The following FER1L5 variants were observed in gnomAD, a reference collection of about 807,000 sequenced individuals.
FER1L5 encodes fer-1-like protein 5.
FER1L5 carries 187 observed loss-of-function variants against 279.9 expected under a neutral mutation model. That is an observed-to-expected ratio of 0.67 (90% confidence interval 0.59 to 0.75). The LOEUF (loss-of-function observed/expected upper bound fraction) is 0.75. FER1L5 is among the 30% of genes least tolerant of loss of function. FER1L5 has a pLI of 0.00. For synonymous variants in FER1L5, 921 were observed against 989.7 expected, an observed-to-expected ratio of 0.93 and a Z score of 1.30; for missense variants, 2,091 against 2,594.4, an observed-to-expected ratio of 0.81 and a Z score of 4.21.
At chr2:96,703,450 C>CG in intron 50 of FER1L5, 73 bp from the exon 51 acceptor site, 1 of 1,606,974 alleles carries the variant, frequency 6.2e-7, no homozygotes, top group Non-Finnish European at 8.5e-7. Context: ...TTCTTGATCC[C>CG]GGGAAGAGGT....
At chr2:96,652,210 G>A in intron 7 of FER1L5, 190 bp downstream of exon 7, 2 of 708,612 alleles carry the variant, frequency 2.8e-6, no homozygotes, top group Non-Finnish European at 4.5e-6. Context: ...TATCTGAGGA[G>A]CTGGTGGGCT....
chr2:96,651,841 C>T, intron 6 of FER1L5, 51 bp from the exon 7 acceptor site: 1 of 1,550,788 alleles, frequency 6.4e-7, no homozygotes, highest in East Asian at 2.4e-5. Flanking sequence ...ACAATGTTGT[C>T]CCAGCTACAG....
At chr2:96,683,253 G>C (rs1210217663) in intron 19 of FER1L5, among the ~76,000 whole-genome samples, 1 of 152,146 alleles carries the variant, frequency 6.6e-6, no homozygotes, top group Non-Finnish European at 1.5e-5. Flanking sequence ...TCAAAGTCAG[G>C]GTGTCAGTGT....
chr2:96,698,964 T>TCCACCCTCCTC lies in FER1L5; in HGVS notation c.4519-71_4519-61dup. ...CTCCGTGTGGTGCGAGGGGCTTGTTTCCACCCTCCTCCCACCCTCCCTGAC... is the reference window on the plus strand; with the variant it reads ...CTCCGTGTGGTGCGAGGGGCTTGTTTCCACCCTCCTCCCACCCTCCTCCCACCCTCCCTGAC... On this transcript the variant is annotated intron_variant, in intron 41 of 52. Coordinates refer to ENST00000624922, the MANE Select transcript of FER1L5 (RefSeq NM_001293083.2). This position sits in a 1 kb window ranked among gnomAD's most constrained non-coding sequence, Gnocchi z 5.5. The TCCACCCTCCTC allele has an allele frequency of 6.5e-7, 1 of 1,534,076 alleles. No individual in the cohort carries two copies. The highest frequency in any genetic ancestry group is 1.2e-5 in the South Asian group (1 of 83,808).
intron 14 of FER1L5, among the ~76,000 whole-genome samples, chr2:96,666,495 T>A (rs2076132532): frequency 6.6e-6 from 1 of 151,620 alleles, no homozygotes; most frequent in African/African-American, 2.4e-5. Flanking sequence ...GAGAATGGGA[T>A]GAAGAAAATG....
intron 3 of FER1L5, 40 bp from the exon 4 acceptor site, chr2:96,647,738 C>T: frequency 6.9e-7 from 1 of 1,443,812 alleles, no homozygotes; most frequent in Non-Finnish European, 9.5e-7. Flanking sequence ...ACACTCTTTC[C>T]CCTGGCTCAG....
At chr2:96,699,221 G>C (rs1472259562) in intron 42 of FER1L5, 85 bp downstream of exon 42, 2 of 1,386,040 alleles carry the variant, frequency 1.4e-6, no homozygotes, top group African/African-American at 1.4e-5. Flanking sequence ...CAGAACTCTG[G>C]CACTCCTGTC....
At position 96,662,268 on chromosome 2, in the gene FER1L5, G is replaced by GT; in HGVS notation, c.1071+2dup. On this transcript the variant is annotated splice_donor_variant, in intron 13 of 52. Transcript: ENST00000624922. LOFTEE classifies it high-confidence loss of function. ...GGAGGTGGAACTAATTGGGGAAAAG[G>GT]TAAGTGTAGAAATATTCTGAGACCC... 1 of 1,551,486 alleles carries GT rather than the reference G, an allele frequency of 6.4e-7. No individual in the cohort carries two copies. Among genetic ancestry groups the GT allele is most frequent in the South Asian group, 1.2e-5 (1 of 84,044 alleles).
chr2:96,663,385 C>A, intron 13 of FER1L5, 54 bp from the exon 14 acceptor site: 1 of 1,496,940 alleles, frequency 6.7e-7, no homozygotes, highest in South Asian at 1.2e-5. Context: ...AAGGTGAGGT[C>A]AGTGGAGGGA....
At chr2:96,657,727 T>C (rs901731435) in intron 9 of FER1L5, among the ~76,000 whole-genome samples, 2 of 152,244 alleles carry the variant, frequency 1.3e-5, no homozygotes, top group Non-Finnish European at 2.9e-5. Context: ...TGTGTCTGCT[T>C]TCTTTCCCTC....
chr2:96,695,946 G>C, intron 36 of FER1L5, 42 bp downstream of exon 36: 2 of 1,608,856 alleles, frequency 1.2e-6, no homozygotes, highest in African/African-American at 1.3e-5. Context: ...CCTCACAAGC[G>C]AGCCTGCACT....
At chr2:96,669,002 C>T in intron 16 of FER1L5, 34 bp downstream of exon 16, 2 of 1,551,708 alleles carry the variant, frequency 1.3e-6, no homozygotes, top group South Asian at 2.4e-5. Context: ...TCCTACACCC[C>T]TCGTCCTGCG....
At chr2:96,665,045 CG>C (rs2076081053) in intron 14 of FER1L5, among the ~76,000 whole-genome samples, 1 of 152,136 alleles carries the variant, frequency 6.6e-6, no homozygotes, top group Admixed American at 6.6e-5. Flanking sequence ...AATCTGTCTC[CG>C]TCACCTATCA....
intron 17 of FER1L5, among the ~76,000 whole-genome samples, chr2:96,669,506 A>G (rs1480555634): frequency 1.3e-5 from 2 of 152,204 alleles, no homozygotes; most frequent in Non-Finnish European, 2.9e-5. Flanking sequence ...GCTTAAACCC[A>G]GGGAAAAACA....
intron 9 of FER1L5, among the ~76,000 whole-genome samples, chr2:96,659,398 TTTC>T (rs2075806288): frequency 1.1e-4 from 1 of 9,300 alleles, no homozygotes; most frequent in Non-Finnish European, 1.7e-4. Flanking sequence ...TCTTTCTTTC[TTTC>T]TTTCTTTCTT....
rs769870359 is a variant in FER1L5, at chr2:96,691,310, G to A, written c.2864G>A (p.Gly955Glu). 6.4e-7 allele frequency: 1 copy of A among 1,550,516 alleles called. No homozygotes were observed. Among genetic ancestry groups the A allele is most frequent in the South Asian group, 1.2e-5 (1 of 84,042 alleles). ...GCGCGTGTGCGCTTCAGGAACCATG[G>A]GGAGCTGAGCCACGAGCAGGAGACC... Reference protein sequence around the residue: ...RWARVRFRNHGELSHEQETLS... With the variant: ...RWARVRFRNHEELSHEQETLS... Residue 955 changes from glycine (G) to glutamate (E), a missense_variant, in exon 28 of 53, where the codon GGG (glycine) becomes GAG (glutamate). Gly to Glu is a moderately conservative substitution (Grantham distance 98). Coordinates refer to ENST00000624922, the MANE Select transcript of FER1L5 (RefSeq NM_001293083.2). The surrounding 1 kb of genome is among the most constrained non-coding windows in gnomAD (Gnocchi z 6.0).
At position 96,649,583 on chromosome 2, in the gene FER1L5, G is replaced by A. The variant is rs1034796816; in HGVS notation, c.340-40G>A. 4 of 1,547,478 alleles carry A rather than the reference G, an allele frequency of 2.6e-6. No homozygotes were observed. In the African/African-American group the frequency reaches 5.5e-5, roughly 21 times the overall value. Reference sequence around the variant, plus strand: ...GGCTTGGGTGCTGTGTCCAAGGATGGCAGGGTCTGGCTTACAGCTCCCTTG... The same window carrying A: ...GGCTTGGGTGCTGTGTCCAAGGATGACAGGGTCTGGCTTACAGCTCCCTTG... On this transcript the variant is annotated intron_variant, in intron 4 of 52. Coordinates refer to ENST00000624922, the MANE Select transcript of FER1L5 (RefSeq NM_001293083.2).
At chr2:96,687,573 G>A (rs1290409984) in intron 23 of FER1L5, 5 of 546,980 alleles carry the variant, frequency 9.1e-6, no homozygotes, top group Non-Finnish European at 1.3e-5. Context: ...CAACATCCCT[G>A]CTACTCCCTC....
chr2:96,698,104 A>T lies in FER1L5; in HGVS notation c.4304A>T (p.Lys1435Ile). 6.3e-7 allele frequency: 1 copy of T among 1,587,878 alleles called. No homozygotes were observed. Among genetic ancestry groups the T allele is most frequent in the Non-Finnish European group, 8.6e-7 (1 of 1,167,396 alleles). The change falls in exon 40 of 53, where the codon AAA becomes ATA. Residue 1435 changes from lysine to isoleucine, a missense_variant. Coordinates refer to ENST00000624922, the MANE Select transcript of FER1L5 (RefSeq NM_001293083.2). This position sits in a 1 kb window ranked among gnomAD's most constrained non-coding sequence, Gnocchi z 5.5. Reference protein sequence around the residue: ...QGLQDFCQTFKLYQEQPKLDS... With the variant: ...QGLQDFCQTFILYQEQPKLDS... Reference sequence around the variant, plus strand: ...CTGCAGGACTTCTGCCAGACCTTCAAACTCTACCAGGAGCAGCCCAAGTTG... The same window carrying T: ...CTGCAGGACTTCTGCCAGACCTTCATACTCTACCAGGAGCAGCCCAAGTTG...
Sources: gnomAD v4.1 joint callset for allele counts (sites outside exome capture counted in the v4.1 genomes callset) on GRCh38, gnomAD v4.1.1 for gene constraint, Gnocchi (gnomAD v3.1) non-coding constraint, MANE v1.5 for transcripts, NCBI Gene and HGNC (gene_info 2026-07-23, HGNC 2026-07-21) for gene names.